CFAP100: variants seen among roughly 807,000 people sequenced by gnomAD.
The protein encoded by CFAP100 is cilia- and flagella-associated protein 100.
CFAP100 carries 70 observed loss-of-function variants against 81.5 expected under a neutral mutation model. That is an observed-to-expected ratio of 0.86 (90% CI 0.71 to 1.05). CFAP100 has a LOEUF of 1.05. Among genes scored for constraint, CFAP100 ranks in the 50% least tolerant of loss-of-function variants. CFAP100 has a pLI of 0.00. For synonymous variants in CFAP100, 341 were observed against 314.8 expected (o/e 1.08, Z -0.88); for missense variants, 811 against 776.5 (o/e 1.04, Z -0.53).
chr3:126,401,124 T>A (rs1182564473), intron 2 of CFAP100, among the ~76,000 whole-genome samples: 1 of 148,968 alleles, frequency 6.7e-6, no homozygotes, highest in Non-Finnish European at 1.5e-5. Context: ...TATAAGTGAG[T>A]GGAGCAGTCA....
At chr3:126,409,426 G>A (rs139892513) in intron 3 of CFAP100, among the ~76,000 whole-genome samples, 12 of 152,288 alleles carry the variant, frequency 7.9e-5, no homozygotes, top group African/African-American at 2.2e-4. Context: ...ATGAAGTCTT[G>A]TACATGTCAC....
In CFAP100 at chr3:126,402,053, T is replaced by G. The variant is rs146496054; in HGVS notation, c.50-5119T>G. Among the ~76,000 whole-genome samples the G allele has an allele frequency of 2.0e-5, 3 of 152,298 alleles. No individual in the cohort carries two copies. The East Asian group carries it at 5.8e-4, about 29-fold the overall frequency. On this transcript the variant is annotated intron_variant, in intron 2 of 16. Transcript: ENST00000352312. Reference sequence around the variant, plus strand: ...TTATGTGCTTGTTGCCGGTCCAGAATGTGGACTCCAGGAAGGTAGGCATGG... The same window carrying G: ...TTATGTGCTTGTTGCCGGTCCAGAAGGTGGACTCCAGGAAGGTAGGCATGG...
chr3:126,418,506 G>T lies in CFAP100; in HGVS notation c.467G>T (p.Arg156Leu). ...ATGAGTGGCTACATTAAGCAGAAGC[G>T]GCAAATGTTCCTCCTCCAGGTAGGT... ...ENMSGYIKQK[R>L]QMFLLQYALD... The change falls in exon 6 of 17, where the codon CGG becomes CTG. Residue 156 changes from arginine to leucine, a missense_variant. Coordinates refer to ENST00000352312, the MANE Select transcript of CFAP100 (RefSeq NM_182628.3). The T allele has an allele frequency of 6.2e-7, 1 of 1,614,122 alleles. No homozygotes were observed. The highest frequency in any genetic ancestry group is 1.1e-5 in the South Asian group (1 of 91,072).
intron 3 of CFAP100, among the ~76,000 whole-genome samples, chr3:126,410,412 T>C (rs1439033420): frequency 6.6e-6 from 1 of 152,256 alleles, no homozygotes; most frequent in Non-Finnish European, 1.5e-5. Flanking sequence ...ATTTCATTTA[T>C]AGATTCCTTT....
chr3:126,429,131 AAAAG>A (rs1249269459), intron 13 of CFAP100, among the ~76,000 whole-genome samples: 3 of 141,246 alleles, frequency 2.1e-5, no homozygotes, highest in Admixed American at 1.4e-4. Context: ...AAAAAAAAAA[AAAAG>A]AAAGGATTAC....
At chr3:126,433,364 T>C in intron 14 of CFAP100, 160 bp downstream of exon 14, 1 of 781,624 alleles carries the variant, frequency 1.3e-6, no homozygotes, top group Non-Finnish European at 2.1e-6. Context: ...CCACCACATG[T>C]ATTGATGCCT....
At chr3:126,420,654 C>T (rs1435314023) in intron 11 of CFAP100, 1 of 181,982 alleles carries the variant, frequency 5.5e-6, no homozygotes, top group Non-Finnish European at 1.2e-5. Flanking sequence ...AGCTCAGAGC[C>T]CAGGGTGAGT....
chr3:126,406,465 T>C (rs1194260052), intron 2 of CFAP100, among the ~76,000 whole-genome samples: 1 of 151,904 alleles, frequency 6.6e-6, no homozygotes, highest in Non-Finnish European at 1.5e-5. Flanking sequence ...CCGACCAGGA[T>C]CTCCGAGCTG....
intron 4 of CFAP100, among the ~76,000 whole-genome samples, chr3:126,416,027 A>C (rs954532883): frequency 6.6e-6 from 1 of 152,182 alleles, no homozygotes. Flanking sequence ...TTTCGGAGAA[A>C]ATGAGACATC....
intron 13 of CFAP100, among the ~76,000 whole-genome samples, chr3:126,430,413 C>A (rs1189173482): frequency 6.6e-6 from 1 of 151,934 alleles, no homozygotes; most frequent in East Asian, 1.9e-4. Flanking sequence ...GATGGACATC[C>A]CAATTACACT....
In CFAP100 at chr3:126,418,753, GCT is replaced by G; in HGVS notation, c.631_632del (p.Ser211ArgfsTer8). The G allele has an allele frequency of 6.3e-7, 1 of 1,596,018 alleles. No homozygotes were observed. The highest frequency in any genetic ancestry group is 8.5e-7 in the Non-Finnish European group (1 of 1,172,416). ...GAGTTCGTCAGGGAGAATGACTGCAGCTCCGTGCAGGCCATGAGAGCGTGAGC... is the reference window on the plus strand; with the variant it reads ...GAGTTCGTCAGGGAGAATGACTGCAGCCGTGCAGGCCATGAGAGCGTGAGC... On this transcript the variant is annotated frameshift_variant, in exon 7 of 17. Transcript: ENST00000352312. LOFTEE classifies it high-confidence loss of function.
chr3:126,420,305 G>A (rs2083310485), intron 11 of CFAP100, 76 bp downstream of exon 11: 23 of 1,558,990 alleles, frequency 1.5e-5, no homozygotes, highest in Non-Finnish European at 1.8e-5. Context: ...TGTGTAGTCA[G>A]GTCTGAGTGC....
At chr3:126,418,262 T>G (rs2083273130) in intron 5 of CFAP100, 196 bp from the exon 6 acceptor site, 2 of 596,722 alleles carry the variant, frequency 3.4e-6, no homozygotes, top group Non-Finnish European at 6.0e-6. Context: ...ATGGAGAATG[T>G]AACATTTCAG....
chr3:126,432,605 G>T (rs923673465), intron 13 of CFAP100, among the ~76,000 whole-genome samples: 2 of 151,972 alleles, frequency 1.3e-5, no homozygotes, highest in Non-Finnish European at 2.9e-5. Flanking sequence ...AAAACATGTT[G>T]TGTGACTCCA....
chr3:126,421,080 G>A (rs986919336), intron 11 of CFAP100, among the ~76,000 whole-genome samples: 1 of 152,230 alleles, frequency 6.6e-6, no homozygotes. Context: ...TCAGCTCACC[G>A]CAACCTCCGC....
Position 126,426,020 on chromosome 3 carries a change from C to T in CFAP100, c.1286+2376C>T, listed in dbSNP as rs146996113. ...CAGAAATAAGGCAAAGAGGTCTTCT[C>T]TCACTACTACTTTTCAATATTGTAT... On this transcript the variant is annotated intron_variant, in intron 13 of 16. Transcript: ENST00000352312. Among the ~76,000 whole-genome samples, 18 of 152,308 alleles carry T rather than the reference C, an allele frequency of 1.2e-4. No individual in the cohort carries two copies. The East Asian group carries it at 3.3e-3, about 28-fold the overall frequency.
intron 2 of CFAP100, among the ~76,000 whole-genome samples, chr3:126,406,622 C>T (rs183687239): frequency 2.7e-4 from 41 of 152,324 alleles, no homozygotes; most frequent in Non-Finnish European, 5.9e-5. Context: ...CCACCCCGGG[C>T]GGGAAGGAGA....
At chr3:126,408,611 C>T (rs993217681) in intron 3 of CFAP100, among the ~76,000 whole-genome samples, 4 of 152,250 alleles carry the variant, frequency 2.6e-5, no homozygotes, top group Middle Eastern at 3.4e-3. Context: ...GGACATTAGC[C>T]CCAGGTGCTT....
chr3:126,429,499 G>A (rs2107616642), intron 13 of CFAP100, among the ~76,000 whole-genome samples: 1 of 151,772 alleles, frequency 6.6e-6, no homozygotes, highest in East Asian at 1.9e-4. Context: ...CATTTTTTCT[G>A]TCTGTTTCAC....
Sources: allele counts gnomAD v4.1 joint callset (sites outside exome capture counted in the v4.1 genomes callset), GRCh38; gene constraint gnomAD v4.1.1; transcripts MANE v1.5; gene names NCBI Gene and HGNC (gene_info 2026-07-23, HGNC 2026-07-21).